RNF149: variants seen among roughly 807,000 people sequenced by gnomAD.
The protein encoded by RNF149 is E3 ubiquitin-protein ligase RNF149.
In RNF149, 21 loss-of-function variants were observed where a neutral mutation model predicts 39.0. The observed-to-expected ratio is 0.54, with a 90% CI of 0.38 to 0.77. The LOEUF is 0.77. RNF149 is among the 30% of genes least tolerant of loss of function. The pLI, the probability that RNF149 is intolerant of heterozygous loss-of-function variation, is 0.00. For synonymous variants in RNF149, 209 were observed against 213.6 expected, an observed-to-expected ratio of 0.98 and a Z score of 0.19; for missense variants, 493 against 534.9, an observed-to-expected ratio of 0.92 and a Z score of 0.77.
intron 3 of RNF149, among the ~76,000 whole-genome samples, chr2:101,291,405 T>A (rs578169964): frequency 5.3e-5 from 8 of 151,782 alleles, no homozygotes; most frequent in African/African-American, 1.7e-4. Context: ...CGCCTCGGCC[T>A]CCCAAAGTGC....
At chr2:101,303,922 A>G (rs937197003) in intron 1 of RNF149, among the ~76,000 whole-genome samples, 2 of 152,226 alleles carry the variant, frequency 1.3e-5, no homozygotes, top group African/African-American at 4.8e-5. Flanking sequence ...TTAAAAAATG[A>G]AAGTGCCATT....
intron 5 of RNF149, 137 bp downstream of exon 5, chr2:101,285,944 T>C (rs545652892): frequency 1.8e-5 from 10 of 560,274 alleles, no homozygotes; most frequent in African/African-American, 1.1e-4. Context: ...TTTTTAATAA[T>C]GAGGAAAATT....
chr2:101,295,125 C>A lies in RNF149; in HGVS notation c.517G>T (p.Glu173Ter), dbSNP rs1683170080. The change falls in exon 2 of 7, where the codon GAG (glutamate) becomes TAG (stop). Residue 173 changes from glutamate (E) to a stop codon, truncating the protein, a stop_gained. Coordinates refer to ENST00000295317, the MANE Select transcript of RNF149 (RefSeq NM_173647.4). LOFTEE classifies it high-confidence loss of function. ...ISYPKGREIL[E>*]LVQKGIPVTM... is the part of the protein sequence containing the mutation. The stretch of plus-strand genomic sequence containing the variant: ...ACTGGAATTCCTTTTTGCACCAGCT[C>A]CAAAATTTCTCTTCCTTTTGGATAG... 6.2e-7 allele frequency: 1 copy of A among 1,613,940 alleles called. No individual in the cohort carries two copies. Among genetic ancestry groups the A allele is most frequent in the Non-Finnish European group, 8.5e-7 (1 of 1,179,950 alleles).
At chr2:101,296,604 G>A (rs1298519445) in intron 1 of RNF149, among the ~76,000 whole-genome samples, 1 of 152,106 alleles carries the variant, frequency 6.6e-6, no homozygotes, top group Non-Finnish European at 1.5e-5. Context: ...AAATGCATGA[G>A]GCAAAATGAA....
At position 101,276,918 on chromosome 2, in the gene RNF149, A is replaced by G. The variant is rs946628415; in HGVS notation, c.*320T>C. 8 of 1,057,628 alleles carry G rather than the reference A, an allele frequency of 7.6e-6. No homozygotes were observed. In the African/African-American group the frequency reaches 1.0e-4, roughly 13 times the overall value. 65.5% of individuals were successfully genotyped at this position (1,057,628 alleles called of 1,614,324 possible). A position where few individuals can be genotyped will look rare whatever the true frequency, so the allele number is the denominator to read the frequency against. On this transcript the variant is annotated 3_prime_UTR_variant, in exon 7 of 7. Transcript: ENST00000295317. The stretch of plus-strand genomic sequence containing the variant: ...AAAAATAGAATTAACTGGTTTTTAC[A>G]GAACCATAGCAGCCAATTATTTAGA...
At chr2:101,291,725 C>G (rs913673572) in intron 3 of RNF149, among the ~76,000 whole-genome samples, 1 of 152,112 alleles carries the variant, frequency 6.6e-6, no homozygotes, top group Non-Finnish European at 1.5e-5. Context: ...TTTAAAGTCT[C>G]TAATAATGGT....
At chr2:101,274,677 C>A (rs938743440), downstream of RNF149, among the ~76,000 whole-genome samples, 1 of 152,232 alleles carries the variant, frequency 6.6e-6, no homozygotes, top group Non-Finnish European at 1.5e-5. Flanking sequence ...AAGCAGGGGG[C>A]CCTGGGCGGC....
At chr2:101,288,951 T>C (rs1293146547) in intron 4 of RNF149, 22 bp downstream of exon 4, 1 of 1,235,200 alleles carries the variant, frequency 8.1e-7, no homozygotes, top group African/African-American at 1.5e-5. Flanking sequence ...TTTTAACATC[T>C]CAATATGTAA....
At chr2:101,272,776 T>C (rs1649800884), downstream of RNF149, 1 of 378,816 alleles carries the variant, frequency 2.6e-6, no homozygotes, top group Non-Finnish European at 5.0e-6. Flanking sequence ...ATTGCCAAAC[T>C]AAGTGATCTT....
chr2:101,300,978 T>A (rs1177971389), intron 1 of RNF149, among the ~76,000 whole-genome samples: 2 of 152,188 alleles, frequency 1.3e-5, no homozygotes, highest in Non-Finnish European at 2.9e-5. Context: ...CAAGTTATTG[T>A]GCACCACCCT....
At chr2:101,272,098 A>G (rs938038555), downstream of RNF149, among the ~76,000 whole-genome samples, 1 of 152,228 alleles carries the variant, frequency 6.6e-6, no homozygotes, top group South Asian at 2.1e-4. Flanking sequence ...GTCTACTAAG[A>G]TATTTTACTG....
chr2:101,304,265 C>G (rs116137282), intron 1 of RNF149, among the ~76,000 whole-genome samples: 2,733 of 152,114 alleles, frequency 0.018, 80 homozygotes, highest in African/African-American at 0.061. Flanking sequence ...GACACGGTGG[C>G]GTGCACTTGT....
At position 101,308,179 on chromosome 2, in the gene RNF149, A is replaced by T; in HGVS notation, c.410T>A (p.Leu137His). Residue 137 changes from leucine (L) to histidine (H), a missense_variant, in exon 1 of 7, where the codon CTC (leucine) becomes CAC (histidine). Coordinates refer to ENST00000295317, the MANE Select transcript of RNF149 (RefSeq NM_173647.4). ...AARRNASAVV[L>H]YNEERYGNIT... ...GTTCCCGTAGCGCTCCTCATTGTAG[A>T]GGACGACGGCCGAGGCGTTCCTCCG... 6.2e-7 allele frequency: 1 copy of T among 1,610,572 alleles called. No individual in the cohort carries two copies. Among genetic ancestry groups the T allele is most frequent in the South Asian group, 1.1e-5 (1 of 91,004 alleles).
chr2:101,273,243 G>A, downstream of RNF149: 1 of 687,392 alleles, frequency 1.5e-6, no homozygotes, highest in Non-Finnish European at 2.3e-6. Context: ...GCAGGGGGCT[G>A]CGGAGAGCAG....
At chr2:101,296,351 T>C (rs1683232985) in intron 1 of RNF149, among the ~76,000 whole-genome samples, 1 of 152,118 alleles carries the variant, frequency 6.6e-6, no homozygotes, top group African/African-American at 2.4e-5. Flanking sequence ...ATTAATGCAA[T>C]AATCATAAAA....
chr2:101,275,109 C>CTTTTTTTTTTT, downstream of RNF149, among the ~76,000 whole-genome samples: 1 of 82,442 alleles, frequency 1.2e-5, no homozygotes, highest in South Asian at 4.3e-4. Flanking sequence ...CCTAGTATTT[C>CTTTTTTTTTTT]TGTTTTTTTT....
chr2:101,274,533 T>G (rs556471620), downstream of RNF149, among the ~76,000 whole-genome samples: 1 of 152,368 alleles, frequency 6.6e-6, no homozygotes, highest in Non-Finnish European at 1.5e-5. Context: ...AGCTCCAATC[T>G]GTTAACATAG....
intron 1 of RNF149, among the ~76,000 whole-genome samples, chr2:101,297,271 CA>C (rs1234835656): frequency 6.6e-6 from 1 of 151,832 alleles, no homozygotes; most frequent in Non-Finnish European, 1.5e-5. Flanking sequence ...ATAACAAAGA[CA>C]AAAAACTAAT....
Position 101,277,094 on chromosome 2 carries a change from C to T in RNF149, c.*144G>A. ...CTCTTCAAGAAGAAAATATCTTAGT[C>T]CTTTGTATATCAAATCAGAATCTAA... On this transcript the variant is annotated 3_prime_UTR_variant, in exon 7 of 7. Coordinates refer to ENST00000295317, the MANE Select transcript of RNF149 (RefSeq NM_173647.4). 2 of 1,419,692 alleles carry T rather than the reference C, an allele frequency of 1.4e-6. No individual in the cohort carries two copies. The highest frequency in any genetic ancestry group is 1.4e-5 in the African/African-American group (1 of 69,142). The allele number at this position is 1,419,692 out of a possible 1,614,324, so 87.9% of individuals were successfully genotyped here.
Sources: allele counts gnomAD v4.1 joint callset (sites outside exome capture counted in the v4.1 genomes callset), GRCh38; gene constraint gnomAD v4.1.1; transcripts MANE v1.5; gene names NCBI Gene and HGNC (gene_info 2026-07-23, HGNC 2026-07-21).